RNF220: variants seen among roughly 807,000 people sequenced by gnomAD.
The protein encoded by RNF220 is ring finger protein 220, also known as E3 ubiquitin-protein ligase RNF220.
In RNF220, 7 loss-of-function variants were observed where a neutral mutation model predicts 67.1. That is an observed-to-expected ratio of 0.10 (90% CI 0.06 to 0.20). The LOEUF is 0.20. Ranked by LOEUF, RNF220 falls within the 10% of genes least tolerant of loss-of-function variation. The pLI is 1.00. For synonymous variants in RNF220, 270 were observed against 283.2 expected (o/e 0.95, Z 0.47); for missense variants, 565 against 740.3 (o/e 0.76, Z 2.75).
intron 2 of RNF220, among the ~76,000 whole-genome samples, chr1:44,454,891 G>A (rs1042790725): frequency 3.9e-5 from 6 of 152,070 alleles, no homozygotes; most frequent in Non-Finnish European, 8.8e-5. Context: ...TTGTTACTGA[G>A]TAGTATTCCA....
At chr1:44,456,509 A>G (rs1214914090) in intron 2 of RNF220, among the ~76,000 whole-genome samples, 3 of 152,212 alleles carry the variant, frequency 2.0e-5, no homozygotes, top group Non-Finnish European at 4.4e-5. Context: ...TTAAGGACCT[A>G]CTAAGCACTG....
intron 2 of RNF220, among the ~76,000 whole-genome samples, chr1:44,554,581 C>G (rs1662923152): frequency 6.6e-6 from 1 of 152,116 alleles, no homozygotes; most frequent in Admixed American, 6.5e-5. Flanking sequence ...TCCCATTGAT[C>G]TGGGACTTGG....
At chr1:44,626,448 G>A (rs1466031536) in intron 5 of RNF220, 50 bp downstream of exon 5, 1 of 1,438,898 alleles carries the variant, frequency 6.9e-7, no homozygotes, top group African/African-American at 1.4e-5. Flanking sequence ...CCTGGGGGAG[G>A]GCTTCAAGAG....
At chr1:44,520,170 CAT>C (rs1659816607) in intron 2 of RNF220, among the ~76,000 whole-genome samples, 1 of 144,058 alleles carries the variant, frequency 6.9e-6, no homozygotes, top group Non-Finnish European at 1.5e-5. Context: ...TAAGAAACTA[CAT>C]GAGTCTCGGG....
At position 44,566,400 on chromosome 1, in the gene RNF220, T is replaced by C. The variant is rs1664017390; in HGVS notation, c.626-47765T>C. Reference sequence around the variant, plus strand: ...GTGAATGAAGTCCTCAGCCCCTCTCTGGCTAAGCCTGCCTGTATCCAGCAC... The same window carrying C: ...GTGAATGAAGTCCTCAGCCCCTCTCCGGCTAAGCCTGCCTGTATCCAGCAC... On this transcript the variant is annotated intron_variant, in intron 2 of 14. Coordinates refer to ENST00000361799, the MANE Select transcript of RNF220 (RefSeq NM_018150.4). Among the ~76,000 whole-genome samples, 3 of 152,164 alleles carry C rather than the reference T, an allele frequency of 2.0e-5. 1 individual carries two copies. The South Asian group carries it at 6.2e-4, about 31-fold the overall frequency.
Position 44,414,847 on chromosome 1 carries a change from T to C in RNF220, c.625+2125T>C, listed in dbSNP as rs551698359. The stretch of plus-strand genomic sequence containing the variant: ...AGTACCCTGTGTTCTCCTTTTTTTT[T>C]CTTGTACACAAGCATAAAACCTATA... On this transcript the variant is annotated intron_variant, in intron 2 of 14. Transcript: ENST00000361799. Among the ~76,000 whole-genome samples, 203 of 151,722 alleles carry C rather than the reference T, an allele frequency of 1.3e-3. 1 individual carries two copies. Among genetic ancestry groups the C allele is most frequent in the African/African-American group, 4.6e-3 (188 of 41,284 alleles).
chr1:44,435,655 C>T (rs1406824236), intron 2 of RNF220, among the ~76,000 whole-genome samples: 1 of 152,164 alleles, frequency 6.6e-6, no homozygotes, highest in Non-Finnish European at 1.5e-5. Flanking sequence ...AAAGGCCAGG[C>T]ATGGTGGCTC....
intron 2 of RNF220, chr1:44,423,770 C>G: frequency 3.3e-6 from 3 of 910,040 alleles, no homozygotes; most frequent in Non-Finnish European, 3.9e-6. Context: ...ACATAGCACC[C>G]GGGATTCTTG....
intron 2 of RNF220, among the ~76,000 whole-genome samples, chr1:44,460,222 C>T (rs1455504674): frequency 1.3e-5 from 2 of 152,174 alleles, no homozygotes; most frequent in Non-Finnish European, 2.9e-5. Context: ...CTGACATTTC[C>T]AGCCTGCTGC....
At chr1:44,456,119 A>G (rs1469979981) in intron 2 of RNF220, among the ~76,000 whole-genome samples, 1 of 152,252 alleles carries the variant, frequency 6.6e-6, no homozygotes, top group African/African-American at 2.4e-5. Context: ...AAGAATACAC[A>G]AAAGCCATTG....
intron 2 of RNF220, among the ~76,000 whole-genome samples, chr1:44,543,949 C>A (rs1391069889): frequency 6.6e-6 from 1 of 152,172 alleles, no homozygotes; most frequent in Non-Finnish European, 1.5e-5. Context: ...CCAGCCTGGG[C>A]CCGGGGTGAG....
At chr1:44,524,139 G>C (rs1173603349) in intron 2 of RNF220, among the ~76,000 whole-genome samples, 3 of 152,028 alleles carry the variant, frequency 2.0e-5, no homozygotes, top group Non-Finnish European at 2.9e-5. Flanking sequence ...GGAGGGGAGG[G>C]CTTGCACTGG....
chr1:44,426,081 A>G (rs931540517), intron 2 of RNF220, among the ~76,000 whole-genome samples: 22 of 152,272 alleles, frequency 1.4e-4, no homozygotes, highest in African/African-American at 5.1e-4. Context: ...CTGAAATTTT[A>G]TTGGCTAAAT....
Position 44,490,875 on chromosome 1 carries a change from TA to T in RNF220, c.625+78154del, listed in dbSNP as rs368549564. Among the ~76,000 whole-genome samples, 953 of 152,094 alleles carry T rather than the reference TA, an allele frequency of 6.3e-3. 9 individuals are homozygous for T. The highest frequency in any genetic ancestry group is 0.022 in the African/African-American group (893 of 41,506). ...TAAGAACAAGAGAGAGGACTCAAAT[TA>T]CTAAATCAGGAATGGAAGAGGAGAC... On this transcript the variant is annotated intron_variant, in intron 2 of 14. Transcript: ENST00000361799.
At chr1:44,548,752 A>G (rs928744816) in intron 2 of RNF220, among the ~76,000 whole-genome samples, 1 of 152,118 alleles carries the variant, frequency 6.6e-6, no homozygotes, top group African/African-American at 2.4e-5. Context: ...TCAGCCTCCC[A>G]AAGTGCTAGG....
At chr1:44,612,250 C>A (rs74070560) in intron 2 of RNF220, among the ~76,000 whole-genome samples, 2 of 152,112 alleles carry the variant, frequency 1.3e-5, no homozygotes, top group African/African-American at 4.8e-5. Flanking sequence ...TCTTCTCCCC[C>A]TTTCTCTTTT....
chr1:44,582,208 A>AG (rs1337655554), intron 2 of RNF220, among the ~76,000 whole-genome samples: 7 of 152,226 alleles, frequency 4.6e-5, no homozygotes, highest in Non-Finnish European at 1.0e-4. Context: ...AGCTTGGATG[A>AG]GGGGAACGGG....
At chr1:44,452,282 G>A (rs990493292) in intron 2 of RNF220, among the ~76,000 whole-genome samples, 2 of 152,174 alleles carry the variant, frequency 1.3e-5, no homozygotes, top group African/African-American at 4.8e-5. Flanking sequence ...AGCTGGGTGC[G>A]GTGGCTCACG....
chr1:44,484,987 C>T (rs1027709207), intron 2 of RNF220, among the ~76,000 whole-genome samples: 13 of 152,032 alleles, frequency 8.6e-5, no homozygotes, highest in African/African-American at 2.9e-4. Flanking sequence ...AGTAAAAATA[C>T]AAAAAATTAG....
Sources: gnomAD v4.1 joint callset for allele counts (sites outside exome capture counted in the v4.1 genomes callset) on GRCh38, gnomAD v4.1.1 for gene constraint, MANE v1.5 for transcripts, NCBI Gene and HGNC (gene_info 2026-07-23, HGNC 2026-07-21) for gene names.